Variants in HACD3 observed in about 807,000 individuals in gnomAD.
The protein encoded by HACD3 is 3-hydroxyacyl-CoA dehydratase 3, also known as very-long-chain (3R)-3-hydroxyacyl-CoA dehydratase 3.
Under a neutral mutation model 55.2 loss-of-function variants are expected in HACD3, and 30 were observed. That is an observed-to-expected ratio of 0.54 (90% CI 0.41 to 0.74). The LOEUF (loss-of-function observed/expected upper bound fraction) is 0.74. Among genes scored for constraint, HACD3 ranks in the 30% least tolerant of loss-of-function variants. HACD3 has a pLI of 0.00. For synonymous variants in HACD3, 141 were observed against 151.7 expected, an observed-to-expected ratio of 0.93 and a Z score of 0.52; for missense variants, 363 against 440.1, an observed-to-expected ratio of 0.82 and a Z score of 1.57.
At chr15:65,545,269 A>G (rs564294877) in intron 1 of HACD3, among the ~76,000 whole-genome samples, 4 of 152,222 alleles carry the variant, frequency 2.6e-5, no homozygotes. Context: ...TGCCATAAGT[A>G]ACCATATCAC....
chr15:65,562,355 G>A (rs990858499), intron 5 of HACD3, among the ~76,000 whole-genome samples: 11 of 152,152 alleles, frequency 7.2e-5, no homozygotes, highest in African/African-American at 2.7e-4. Context: ...GGTCATAGAG[G>A]GAGATTCTGT....
At chr15:65,546,404 G>A (rs1252050794) in intron 1 of HACD3, among the ~76,000 whole-genome samples, 2 of 152,156 alleles carry the variant, frequency 1.3e-5, no homozygotes, top group African/African-American at 4.8e-5. Flanking sequence ...GAGGAAATAT[G>A]TGGAGGTTAA....
intron 5 of HACD3, among the ~76,000 whole-genome samples, chr15:65,562,243 C>T (rs2072250818): frequency 6.6e-6 from 1 of 152,206 alleles, no homozygotes; most frequent in Non-Finnish European, 1.5e-5. Flanking sequence ...TGCAGTGTTC[C>T]CTCCTCCAGA....
At chr15:65,532,070 A>G (rs1358959550) in intron 1 of HACD3, among the ~76,000 whole-genome samples, 1 of 152,158 alleles carries the variant, frequency 6.6e-6, no homozygotes, top group Non-Finnish European at 1.5e-5. Context: ...CTTCTGGAAT[A>G]TAAACAGTTT....
At chr15:65,557,163 A>G (rs367916803) in intron 4 of HACD3, among the ~76,000 whole-genome samples, 7 of 152,276 alleles carry the variant, frequency 4.6e-5, no homozygotes, top group Admixed American at 2.6e-4. Context: ...GTAAAGTGCA[A>G]TTCTTATCAC....
At chr15:65,543,051 C>T (rs1297092216) in intron 1 of HACD3, among the ~76,000 whole-genome samples, 1 of 13,674 alleles carries the variant, frequency 7.3e-5, no homozygotes, top group Non-Finnish European at 1.6e-4. Context: ...TCCAGCCTGG[C>T]GACAGTGGGA....
At position 65,571,733 on chromosome 15, in the gene HACD3, C is replaced by T. The variant is rs147494095; in HGVS notation, c.880+79C>T. 56 of 1,080,136 alleles carry T rather than the reference C, an allele frequency of 5.2e-5. No individual in the cohort carries two copies. The African/African-American group carries it at 6.8e-4, about 13-fold the overall frequency. The allele number at this position is 1,080,136 out of a possible 1,614,324, so 66.9% of individuals were successfully genotyped here. A position where few individuals can be genotyped will look rare whatever the true frequency, so the allele number is the denominator to read the frequency against. ...GCTGAGAGACCAGTCCTTTCTTCCC[C>T]GGCCTTAGTCCGATAAATGGAAATG... On this transcript the variant is annotated intron_variant, in intron 9 of 10. Coordinates refer to ENST00000261875, the MANE Select transcript of HACD3 (RefSeq NM_016395.4).
At chr15:65,537,635 TA>T (rs1215934092) in intron 1 of HACD3, among the ~76,000 whole-genome samples, 1 of 149,470 alleles carries the variant, frequency 6.7e-6, no homozygotes, top group Non-Finnish European at 1.5e-5. Context: ...TACTAAAAAA[TA>T]AAAAAAATTA....
intron 7 of HACD3, chr15:65,565,587 G>T (rs1315505259): frequency 1.3e-5 from 2 of 152,346 alleles, no homozygotes; most frequent in African/African-American, 4.8e-5. Flanking sequence ...CTGTACATTG[G>T]CCCCTCTCAG....
chr15:65,554,871 ATTTC>A lies in HACD3; in HGVS notation c.131-8_131-5del. On this transcript the variant is annotated splice_polypyrimidine_tract_variant and intron_variant, in intron 2 of 10. Coordinates refer to ENST00000261875, the MANE Select transcript of HACD3 (RefSeq NM_016395.4). ...TCTGCTCAAGTTTGCAGTAACCCAC[ATTTC>A]TTTCTTTATAGCTCAAGGACATGGT... 6.2e-7 allele frequency: 1 copy of A among 1,601,014 alleles called. No homozygotes were observed. The highest frequency in any genetic ancestry group is 8.6e-7 in the Non-Finnish European group (1 of 1,168,262).
chr15:65,532,930 G>T (rs186813176), intron 1 of HACD3, among the ~76,000 whole-genome samples: 1 of 152,314 alleles, frequency 6.6e-6, no homozygotes, highest in African/African-American at 2.4e-5. Flanking sequence ...AAAGTTTTGT[G>T]TAGGAGTATG....
At position 65,558,562 on chromosome 15, in the gene HACD3, G is replaced by C; in HGVS notation, c.370-118G>C. ...TAGAATATTCTCCCAATGATGCACTGACCCCAACTGGAGGAGTTGGCTTTG... is the reference window on the plus strand; with the variant it reads ...TAGAATATTCTCCCAATGATGCACTCACCCCAACTGGAGGAGTTGGCTTTG... On this transcript the variant is annotated intron_variant, in intron 4 of 10. Transcript: ENST00000261875. 10 of 902,082 alleles carry C rather than the reference G, an allele frequency of 1.1e-5. No homozygotes were observed. In the South Asian group the frequency reaches 1.3e-4, roughly 12 times the overall value. The allele number at this position is 902,082 out of a possible 1,614,324, so 55.9% of individuals were successfully genotyped here.
At chr15:65,569,079 C>A (rs1326412383) in intron 7 of HACD3, among the ~76,000 whole-genome samples, 2 of 151,784 alleles carry the variant, frequency 1.3e-5, no homozygotes, top group Non-Finnish European at 2.9e-5. Context: ...AACCCCGTCT[C>A]TACTAAAAAA....
rs768655871 is a variant in HACD3 at position 65,577,952 on chromosome 15, G to A, written c.*1573G>A. 6.6e-6 allele frequency: 1 copy of A among 152,598 alleles called. No individual in the cohort carries two copies. 9.5% of individuals were successfully genotyped at this position (152,598 alleles called of 1,614,324 possible). A position where few individuals can be genotyped will look rare whatever the true frequency, so the allele number is the denominator to read the frequency against. On this transcript the variant is annotated 3_prime_UTR_variant, in exon 11 of 11. Coordinates refer to ENST00000261875, the MANE Select transcript of HACD3 (RefSeq NM_016395.4). ...TAAAATAAGTGTTGGAGTAACACTT[G>A]CATAAAAGAATTTAAGGAGTGATAG...
In HACD3 at chr15:65,570,610, A is replaced by G. The variant is rs371104865; in HGVS notation, c.773+407A>G. 1.4e-3 allele frequency among the ~76,000 whole-genome samples: 207 copies of G among 152,346 alleles called. 1 individual carries two copies. Among genetic ancestry groups the G allele is most frequent in the African/African-American group, 4.6e-3 (193 of 41,580 alleles). The stretch of plus-strand genomic sequence containing the variant: ...TTTCTACAAGGGATGATAGAAATGA[A>G]TCTTATACCACAAGATTATTGAAGT... On this transcript the variant is annotated intron_variant, in intron 8 of 10. Coordinates refer to ENST00000261875, the MANE Select transcript of HACD3 (RefSeq NM_016395.4).
intron 1 of HACD3, among the ~76,000 whole-genome samples, chr15:65,547,493 A>G (rs900681588): frequency 1.3e-5 from 2 of 152,198 alleles, no homozygotes; most frequent in African/African-American, 4.8e-5. Context: ...GGCTCCTAGA[A>G]GGAAAGTTGA....
intron 1 of HACD3, among the ~76,000 whole-genome samples, chr15:65,550,299 A>G (rs542348009): frequency 1.3e-5 from 2 of 152,204 alleles, no homozygotes; most frequent in Non-Finnish European, 2.9e-5. Flanking sequence ...AGGCAGGAGA[A>G]TCGCCTGAAC....
At chr15:65,558,344 C>T (rs1243883506) in intron 4 of HACD3, among the ~76,000 whole-genome samples, 1 of 152,142 alleles carries the variant, frequency 6.6e-6, no homozygotes, top group African/African-American at 2.4e-5. Flanking sequence ...AGCAGTCTAC[C>T]TCCTGCCTTA....
chr15:65,535,736 C>T, intron 1 of HACD3: 1 of 527,568 alleles, frequency 1.9e-6, no homozygotes, highest in Non-Finnish European at 3.4e-6. Flanking sequence ...CACTCTGTTG[C>T]CCAGGTTGGA....
Sources: allele counts gnomAD v4.1 joint callset (sites outside exome capture counted in the v4.1 genomes callset), GRCh38; gene constraint gnomAD v4.1.1; transcripts MANE v1.5; gene names NCBI Gene and HGNC (gene_info 2026-07-23, HGNC 2026-07-21).